Variants in SEC24B observed in about 807,000 individuals in gnomAD.
SEC24B encodes the protein SEC24 homolog B, COPII component.
A neutral mutation model predicts 142.8 loss-of-function variants in SEC24B; 45 were observed. The ratio of observed to expected loss-of-function variants is 0.32; its 90% CI spans 0.25 to 0.40. The LOEUF (loss-of-function observed/expected upper bound fraction) is 0.40, where lower values mean the gene tolerates loss of function less well. SEC24B is among the 10% of genes least tolerant of loss of function. The pLI, the probability that SEC24B is intolerant of heterozygous loss-of-function variation, is 1.00. For synonymous variants in SEC24B, 574 were observed against 568.2 expected (o/e 1.01, Z -0.15); for missense variants, 1,409 against 1,526.8 (o/e 0.92, Z 1.29).
chr4:109,439,474 A>ATTTTTTTTTTT (rs70949077), intron 1 of SEC24B, among the ~76,000 whole-genome samples: 2 of 43,996 alleles, frequency 4.5e-5, no homozygotes, highest in Non-Finnish European at 8.0e-5. Flanking sequence ...TCCTAAGCTG[A>ATTTTTTTTTTT]TTTTTTTTTT....
At chr4:109,519,019 C>T (rs1723299585) in intron 11 of SEC24B, among the ~76,000 whole-genome samples, 1 of 152,032 alleles carries the variant, frequency 6.6e-6, no homozygotes, top group African/African-American at 2.4e-5. Flanking sequence ...GTTGCCCAGG[C>T]TGATCTCGAA....
At chr4:109,472,194 A>T (rs1458071021) in intron 2 of SEC24B, among the ~76,000 whole-genome samples, 2 of 152,186 alleles carry the variant, frequency 1.3e-5, no homozygotes, top group East Asian at 3.8e-4. Context: ...ACACACATAC[A>T]TACATGTGCA....
At chr4:109,457,711 T>C in intron 1 of SEC24B, among the ~76,000 whole-genome samples, 1 of 152,220 alleles carries the variant, frequency 6.6e-6, no homozygotes, top group Non-Finnish European at 1.5e-5. Context: ...CTCTTCCTAC[T>C]TGTCTCACTG....
intron 1 of SEC24B, among the ~76,000 whole-genome samples, chr4:109,456,380 A>G (rs1375915338): frequency 3.1e-5 from 1 of 31,766 alleles, no homozygotes; most frequent in Non-Finnish European, 6.9e-5. Flanking sequence ...TCTACTATTT[A>G]TTTATTTTTC....
At chr4:109,459,928 TAGG>T (rs1731088384) in intron 1 of SEC24B, among the ~76,000 whole-genome samples, 1 of 152,232 alleles carries the variant, frequency 6.6e-6, no homozygotes, top group Non-Finnish European at 1.5e-5. Context: ...TATATTTAAA[TAGG>T]AGAAAGGAGG....
At chr4:109,533,446 C>T in intron 21 of SEC24B, 147 bp from the exon 22 acceptor site, 1 of 632,730 alleles carries the variant, frequency 1.6e-6, no homozygotes, top group Admixed American at 3.0e-5. Flanking sequence ...TGGATTCTTA[C>T]ATATAGATTC....
chr4:109,504,712 T>A (rs540420533), intron 6 of SEC24B, among the ~76,000 whole-genome samples: 14 of 152,208 alleles, frequency 9.2e-5, no homozygotes, highest in Non-Finnish European at 1.8e-4. Context: ...AGCCTGATCC[T>A]TTAATTGTGA....
chr4:109,466,600 CA>C (rs1252118788), intron 2 of SEC24B, among the ~76,000 whole-genome samples: 2 of 152,150 alleles, frequency 1.3e-5, no homozygotes, highest in East Asian at 1.9e-4. Flanking sequence ...TTAGTAGAGA[CA>C]GGGTTTCACC....
At chr4:109,437,300 T>G (rs549849649) in intron 1 of SEC24B, among the ~76,000 whole-genome samples, 19 of 152,204 alleles carry the variant, frequency 1.2e-4, no homozygotes, top group African/African-American at 4.6e-4. Context: ...ATTGTTTGTT[T>G]TAGAGACAGG....
intron 6 of SEC24B, among the ~76,000 whole-genome samples, chr4:109,499,495 T>C (rs1353641645): frequency 3.3e-5 from 5 of 152,150 alleles, no homozygotes; most frequent in African/African-American, 1.2e-4. Flanking sequence ...AATCCTTGTG[T>C]GTGTATATAC....
At chr4:109,487,037 C>T (rs1243379711) in intron 4 of SEC24B, among the ~76,000 whole-genome samples, 3 of 151,738 alleles carry the variant, frequency 2.0e-5, no homozygotes, top group Non-Finnish European at 4.4e-5. Context: ...TGGTGGCTGG[C>T]GTCTGTAATC....
At chr4:109,464,438 C>T (rs1291252896) in intron 2 of SEC24B, among the ~76,000 whole-genome samples, 6 of 152,058 alleles carry the variant, frequency 3.9e-5, no homozygotes, top group Non-Finnish European at 7.4e-5. Flanking sequence ...CATACGCCAC[C>T]ACACCCAGCT....
Position 109,539,664 on chromosome 4 carries a change from A to T in SEC24B, c.3796A>T (p.Ile1266Phe), listed in dbSNP as rs1725976052. The T allele has an allele frequency of 6.2e-7, 1 of 1,600,838 alleles. No homozygotes were observed. The highest frequency in any genetic ancestry group is 2.2e-5 in the East Asian group (1 of 44,814). ...ATTTTTGCTTCATGTTCAGCAGCAGATTTGTAAGTGAAGTAGAATAAAATT... is the reference window on the plus strand; with the variant it reads ...ATTTTTGCTTCATGTTCAGCAGCAGTTTTGTAAGTGAAGTAGAATAAAATT... ...YEFLLHVQQQICK is the reference protein window; with the variant it reads ...YEFLLHVQQQFCK Residue 1266 changes from isoleucine to phenylalanine, a missense_variant, in exon 24 of 24, where the codon ATT (isoleucine) becomes TTT (phenylalanine). By Grantham distance (21) the Ile-to-Phe change is conservative (BLOSUM62 0). Coordinates refer to ENST00000265175, the MANE Select transcript of SEC24B (RefSeq NM_006323.5).
At chr4:109,489,594 T>G in intron 4 of SEC24B, among the ~76,000 whole-genome samples, 1 of 106,036 alleles carries the variant, frequency 9.4e-6, no homozygotes, top group South Asian at 3.1e-4. Flanking sequence ...GTCTTTCATA[T>G]AAATAGAATT....
chr4:109,532,726 C>A lies in SEC24B; in HGVS notation c.3478C>A (p.Leu1160Ile), dbSNP rs1160169111. The A allele has an allele frequency of 1.3e-6, 2 of 1,584,038 alleles. No individual in the cohort carries two copies. Among genetic ancestry groups the A allele is most frequent in the Admixed American group, 1.7e-5 (1 of 59,976 alleles). Residue 1160 changes from leucine to isoleucine, a missense_variant, in exon 21 of 24, where the codon CTT becomes ATT. Leu to Ile is a conservative substitution (Grantham distance 5). This residue lies in a region of SEC24B where 700 missense variants were observed against 853.3 expected (regional missense o/e 0.82). Transcript: ENST00000265175. ...GAAGCTGACAAGAGAAGGTGCTTTC[C>A]TTATGGACTGTGGCTCTGTAAGCAC... ...AEKLTREGAF[L>I]MDCGSVFYIW...
intron 2 of SEC24B, among the ~76,000 whole-genome samples, chr4:109,465,630 G>A (rs1236338511): frequency 1.3e-5 from 2 of 152,068 alleles, no homozygotes; most frequent in Non-Finnish European, 2.9e-5. Context: ...TCATGACAAA[G>A]GAAATACAAG....
intron 22 of SEC24B, among the ~76,000 whole-genome samples, chr4:109,536,643 C>T (rs1725569936): frequency 6.6e-6 from 1 of 152,114 alleles, no homozygotes. Flanking sequence ...CATTCTCCTG[C>T]CTCAGTCTCC....
chr4:109,536,663 G>A (rs1436259196), intron 22 of SEC24B, among the ~76,000 whole-genome samples: 1 of 152,050 alleles, frequency 6.6e-6, no homozygotes, highest in African/African-American at 2.4e-5. Context: ...CTGGGTAGCT[G>A]GGACTACAGG....
At chr4:109,517,634 A>G (rs574466289) in intron 11 of SEC24B, among the ~76,000 whole-genome samples, 6 of 152,350 alleles carry the variant, frequency 3.9e-5, no homozygotes, top group South Asian at 4.1e-4. Context: ...GAGGCAATGC[A>G]TATATTCATT....
Sources: allele counts gnomAD v4.1 joint callset (sites outside exome capture counted in the v4.1 genomes callset), GRCh38; gene constraint gnomAD v4.1.1; regional missense constraint gnomAD v4.1.1; transcripts MANE v1.5; gene names NCBI Gene and HGNC (gene_info 2026-07-23, HGNC 2026-07-21).